LIMS1: variants seen among roughly 807,000 people sequenced by gnomAD.
LIMS1 encodes LIM zinc finger domain containing 1.
In LIMS1, 18 loss-of-function variants were observed where a neutral mutation model predicts 44.1. That is an observed-to-expected ratio of 0.41 (90% CI 0.28 to 0.61). The LOEUF is 0.61. LIMS1 is among the 20% of genes least tolerant of loss of function. The probability of loss-of-function intolerance (pLI) is 0.32; values close to 1 mark genes in which losing one functional copy is unlikely to be tolerated. For synonymous variants in LIMS1, 93 were observed against 149.1 expected, an observed-to-expected ratio of 0.62 and a Z score of 2.74; for missense variants, 201 against 422.0, an observed-to-expected ratio of 0.48 and a Z score of 4.59.
chr2:108,662,710 A>G (rs1286257059), intron 2 of LIMS1: 2 of 938,756 alleles, frequency 2.1e-6, no homozygotes, highest in African/African-American at 1.8e-5. Flanking sequence ...TTTCCAGAAA[A>G]GAAAGCTTGG....
intron 1 of LIMS1, among the ~76,000 whole-genome samples, chr2:108,540,293 G>A (rs1269693862): frequency 1.4e-5 from 2 of 143,470 alleles, no homozygotes; most frequent in Non-Finnish European, 3.0e-5. Context: ...CCGCCTCCCG[G>A]GTTCAAGTCA....
chr2:108,575,926 ATAT>A (rs1194296140), intron 1 of LIMS1, among the ~76,000 whole-genome samples: 1 of 152,152 alleles, frequency 6.6e-6, no homozygotes, highest in Non-Finnish European at 1.5e-5. Context: ...CAGCAAGATA[ATAT>A]TAATAGGCAC....
At chr2:108,549,100 G>A (rs966312551) in intron 1 of LIMS1, among the ~76,000 whole-genome samples, 2 of 152,060 alleles carry the variant, frequency 1.3e-5, no homozygotes, top group Non-Finnish European at 2.9e-5. Context: ...TAGCCATTCA[G>A]TGAATACTTG....
At chr2:108,666,024 G>A (rs1336886594) in intron 2 of LIMS1, among the ~76,000 whole-genome samples, 4 of 48,700 alleles carry the variant, frequency 8.2e-5, no homozygotes, top group South Asian at 1.6e-3. Flanking sequence ...GTGACCAAAC[G>A]TGTGGGAACT....
chr2:108,631,070 G>A (rs1688893289), intron 1 of LIMS1, among the ~76,000 whole-genome samples: 1 of 152,226 alleles, frequency 6.6e-6, no homozygotes, highest in African/African-American at 2.4e-5. Context: ...TTGGCTTACA[G>A]AGTGTGGGAC....
At chr2:108,613,431 C>T (rs564650884) in intron 1 of LIMS1, among the ~76,000 whole-genome samples, 3 of 152,258 alleles carry the variant, frequency 2.0e-5, no homozygotes, top group South Asian at 2.1e-4. Context: ...TGGGGAGAAA[C>T]GTTAGCAGTG....
chr2:108,616,241 T>C lies in LIMS1; in HGVS notation c.33-43364T>C, dbSNP rs1048191352. On this transcript the variant is annotated intron_variant, in intron 1 of 9. Transcript: ENST00000544547. Reference sequence around the variant, plus strand: ...TTTTTTGGATATAGGGGTCTTACTCTGTCACCCAGGCTGGAGTGCAGTGGT... The same window carrying C: ...TTTTTTGGATATAGGGGTCTTACTCCGTCACCCAGGCTGGAGTGCAGTGGT... Among the ~76,000 whole-genome samples the C allele has an allele frequency of 1.6e-4, 23 of 140,662 alleles. No homozygotes were observed. The Admixed American group carries it at 1.8e-3, about 11-fold the overall frequency. 92.3% of individuals were successfully genotyped at this position (140,662 alleles called of 152,430 possible).
chr2:108,569,343 T>C (rs930570602), intron 1 of LIMS1, among the ~76,000 whole-genome samples: 4 of 152,210 alleles, frequency 2.6e-5, no homozygotes, highest in African/African-American at 9.6e-5. Flanking sequence ...AAGTTTGATA[T>C]AGTTCCATTT....
At chr2:108,573,301 CTTTTCTTTTT>C (rs749333846) in intron 1 of LIMS1, among the ~76,000 whole-genome samples, 3 of 147,806 alleles carry the variant, frequency 2.0e-5, no homozygotes, top group Non-Finnish European at 4.5e-5. Flanking sequence ...GTTTTCTTTT[CTTTTCTTTTT>C]TTTTTTTTTC....
chr2:108,633,648 T>C (rs1265937909), intron 1 of LIMS1, among the ~76,000 whole-genome samples: 1 of 152,228 alleles, frequency 6.6e-6, no homozygotes, highest in Non-Finnish European at 1.5e-5. Context: ...TTCTGTCTTA[T>C]GCTTTACTAA....
chr2:108,649,752 A>G (rs972680447), intron 1 of LIMS1, among the ~76,000 whole-genome samples: 18 of 152,040 alleles, frequency 1.2e-4, no homozygotes, highest in African/African-American at 4.3e-4. Flanking sequence ...TGTTCTCATA[A>G]GTGGGAGTTG....
intron 1 of LIMS1, among the ~76,000 whole-genome samples, chr2:108,549,848 T>A (rs1399648451): frequency 6.6e-6 from 1 of 152,178 alleles, no homozygotes; most frequent in African/African-American, 2.4e-5. Flanking sequence ...TTTGTCAGTA[T>A]GTGTCAAGTT....
At chr2:108,557,100 T>C (rs1208267524) in intron 1 of LIMS1, among the ~76,000 whole-genome samples, 2 of 152,140 alleles carry the variant, frequency 1.3e-5, no homozygotes, top group Non-Finnish European at 2.9e-5. Context: ...CCTTGACATA[T>C]AGGGTCTCAC....
At chr2:108,652,500 A>C (rs558629989) in intron 1 of LIMS1, among the ~76,000 whole-genome samples, 1 of 152,388 alleles carries the variant, frequency 6.6e-6, no homozygotes, top group South Asian at 2.1e-4. Context: ...AATGAAAAAC[A>C]CATGAGTGGT....
chr2:108,643,534 C>T (rs929744093), intron 1 of LIMS1, among the ~76,000 whole-genome samples: 1 of 152,132 alleles, frequency 6.6e-6, no homozygotes, highest in African/African-American at 2.4e-5. Flanking sequence ...CACCAGGGCC[C>T]TGGGTTTCCA....
rs558263764 is a variant in LIMS1 at position 108,580,000 on chromosome 2, T to C, written c.32+45406T>C. 2.0e-5 allele frequency among the ~76,000 whole-genome samples: 3 copies of C among 152,256 alleles called. 1 individual carries two copies. In the South Asian group the frequency reaches 6.2e-4, roughly 32 times the overall value. On this transcript the variant is annotated intron_variant, in intron 1 of 9. Transcript: ENST00000544547. ...AGGGCTGGAGCTGGGGGATGCCGGG[T>C]GGGAGCAAGGACAGCCAGGTCCGTT...
intron 1 of LIMS1, among the ~76,000 whole-genome samples, chr2:108,624,836 T>C (rs1294994651): frequency 2.0e-5 from 3 of 152,184 alleles, no homozygotes; most frequent in African/African-American, 4.8e-5. Flanking sequence ...CCCAGCACTT[T>C]GGGAGGCCGA....
intron 1 of LIMS1, among the ~76,000 whole-genome samples, chr2:108,656,422 A>G (rs1165448344): frequency 1.3e-5 from 2 of 152,152 alleles, no homozygotes; most frequent in Non-Finnish European, 2.9e-5. Context: ...AAATTAGCTA[A>G]TTAATTATAA....
At chr2:108,535,478 C>A (rs539014456) in intron 1 of LIMS1, among the ~76,000 whole-genome samples, 1 of 152,156 alleles carries the variant, frequency 6.6e-6, no homozygotes, top group African/African-American at 2.4e-5. Flanking sequence ...CACACAGTTA[C>A]GTTAAAATTC....
Sources: allele counts gnomAD v4.1 joint callset (sites outside exome capture counted in the v4.1 genomes callset), GRCh38; gene constraint gnomAD v4.1.1; transcripts MANE v1.5; gene names NCBI Gene and HGNC (gene_info 2026-07-23, HGNC 2026-07-21).